CFAP43: variants seen among roughly 807,000 people sequenced by gnomAD.
CFAP43 encodes the protein cilia- and flagella-associated protein 43.
In CFAP43, 155 loss-of-function variants were observed where a neutral mutation model predicts 218.9. That is an observed-to-expected ratio of 0.71 (90% CI 0.62 to 0.81). CFAP43 has a LOEUF of 0.81. CFAP43 is among the 30% of genes least tolerant of loss of function. CFAP43 has a pLI of 0.00. For synonymous variants in CFAP43, 645 were observed against 681.3 expected, an observed-to-expected ratio of 0.95 and a Z score of 0.83; for missense variants, 1,778 against 1,954.3, an observed-to-expected ratio of 0.91 and a Z score of 1.70.
chr10:104,211,333 C>G lies in CFAP43; in HGVS notation c.735+674G>C, dbSNP rs542099677. 2.6e-5 allele frequency among the ~76,000 whole-genome samples: 4 copies of G among 152,240 alleles called. No homozygotes were observed. In the South Asian group the frequency reaches 6.2e-4, roughly 24 times the overall value. ...TAAGCTCCATGAGAATTACATGGAG[C>G]CTGCTTGGCCACCATGCGAATCCCA... On this transcript the variant is annotated intron_variant, in intron 5 of 37. Transcript: ENST00000357060.
intron 4 of CFAP43, among the ~76,000 whole-genome samples, chr10:104,213,491 T>C (rs527379827): frequency 1.1e-4 from 16 of 152,254 alleles, no homozygotes; most frequent in Admixed American, 4.6e-4. Flanking sequence ...GGCTCCACTA[T>C]ACACAACTAC....
At position 104,217,325 on chromosome 10, in the gene CFAP43, TTTTTCTTTTCTTTTCTTTCTTTCTTTC is replaced by T. The variant is rs1478449043; in HGVS notation, c.417-2926_417-2900del. Among the ~76,000 whole-genome samples the T allele has an allele frequency of 3.3e-5, 5 of 149,324 alleles. No homozygotes were observed. In the East Asian group the frequency reaches 9.8e-4, roughly 29 times the overall value. ...AGCCTTGCATTTTTTTCTTTCTTTCTTTTTCTTTTCTTTTCTTTCTTTCTTTCTTTTTCTTTCTTTTTGAAATATCAT... is the reference window on the plus strand; with the variant it reads ...AGCCTTGCATTTTTTTCTTTCTTTCTTTTTTCTTTCTTTTTGAAATATCAT... On this transcript the variant is annotated intron_variant, in intron 3 of 37. Transcript: ENST00000357060.
In CFAP43 at chr10:104,207,796, T is replaced by C. The variant is rs142762463; in HGVS notation, c.764A>G (p.His255Arg). 2.3e-4 allele frequency: 370 copies of C among 1,613,836 alleles called. 2 individuals carry two copies. The Middle Eastern group carries it at 2.3e-3, about 10-fold the overall frequency. The change falls in exon 6 of 38, where the codon CAC becomes CGC. Residue 255 changes from histidine (H) to arginine (R), a missense_variant. Transcript: ENST00000357060. The stretch of plus-strand genomic sequence containing the variant: ...TGGAGTCCAGCAATGCATAGTCGGG[T>C]GAAGCAAAGGATATAGATCATCTTT... Reference protein sequence around the residue: ...RPKDDLYPLLHPTMHCWTPTS... With the variant: ...RPKDDLYPLLRPTMHCWTPTS...
intron 3 of CFAP43, among the ~76,000 whole-genome samples, chr10:104,219,977 C>T (rs111887688): frequency 0.012 from 1,775 of 152,280 alleles, 26 homozygotes; most frequent in African/African-American, 0.037. Context: ...CCCCCAGCAC[C>T]TCAGAATGTG....
chr10:104,165,751 C>T (rs527501133), intron 23 of CFAP43, among the ~76,000 whole-genome samples: 1 of 152,268 alleles, frequency 6.6e-6, no homozygotes, highest in South Asian at 2.1e-4. Flanking sequence ...CCTCGAACCC[C>T]AGAATTTACA....
chr10:104,132,300 T>A, intron 35 of CFAP43, 104 bp from the exon 36 acceptor site: 1 of 870,024 alleles, frequency 1.1e-6, no homozygotes, highest in Non-Finnish European at 1.7e-6. Flanking sequence ...TCATAACAAA[T>A]ATCTATGCAA....
At chr10:104,174,700 T>A (rs778546810) in intron 19 of CFAP43, among the ~76,000 whole-genome samples, 8 of 152,114 alleles carry the variant, frequency 5.3e-5, no homozygotes, top group African/African-American at 1.4e-4. Flanking sequence ...ATTACCTTTT[T>A]AAAATTGAAT....
intron 32 of CFAP43, among the ~76,000 whole-genome samples, chr10:104,142,753 G>C (rs569388866): frequency 6.6e-6 from 1 of 152,236 alleles, no homozygotes; most frequent in Non-Finnish European, 1.5e-5. Flanking sequence ...TGGGGTAGTG[G>C]TCAAGAAGCA....
In CFAP43 at chr10:104,201,560, C is replaced by T. The variant is rs150076635; in HGVS notation, c.1095+2112G>A. 4.8e-3 allele frequency among the ~76,000 whole-genome samples: 725 copies of T among 152,224 alleles called. 9 individuals carry two copies. Among genetic ancestry groups the T allele is most frequent in the Middle Eastern group, 0.017 (5 of 294 alleles). On this transcript the variant is annotated intron_variant, in intron 8 of 37. Transcript: ENST00000357060. ...AAAAGTTACTTTAAGCTTTATTCTC[C>T]TCCTGGGTTATATGAGATCCTTGGA...
intron 23 of CFAP43, 22 bp downstream of exon 23, chr10:104,166,466 G>A (rs1373233003): frequency 1.9e-6 from 3 of 1,579,148 alleles, no homozygotes; most frequent in African/African-American, 1.4e-5. Flanking sequence ...GATTTTTCAG[G>A]ATAAAAAGAA....
intron 8 of CFAP43, among the ~76,000 whole-genome samples, chr10:104,201,650 G>A (rs1373848682): frequency 6.7e-6 from 1 of 148,858 alleles, no homozygotes; most frequent in African/African-American, 2.5e-5. Context: ...TGGGATTTTA[G>A]TTCAATATTA....
intron 10 of CFAP43, 43 bp from the exon 11 acceptor site, chr10:104,194,057 C>T (rs1426279708): frequency 2.5e-6 from 4 of 1,601,496 alleles, no homozygotes; most frequent in Non-Finnish European, 3.4e-6. Context: ...ATTGTGCCTG[C>T]TCTCCTACAC....
At chr10:104,191,322 A>G (rs1486468313) in intron 12 of CFAP43, among the ~76,000 whole-genome samples, 2 of 151,906 alleles carry the variant, frequency 1.3e-5, no homozygotes, top group African/African-American at 4.8e-5. Context: ...AAACTCTTCC[A>G]TTTACCTGTT....
chr10:104,206,790 G>A (rs1447941487), intron 6 of CFAP43, among the ~76,000 whole-genome samples: 4 of 152,186 alleles, frequency 2.6e-5, no homozygotes, highest in Non-Finnish European at 4.4e-5. Context: ...TGGCTCCTGT[G>A]GCCCAGGCCC....
chr10:104,173,919 T>C (rs889260022), intron 19 of CFAP43, among the ~76,000 whole-genome samples: 2 of 152,184 alleles, frequency 1.3e-5, no homozygotes, highest in African/African-American at 2.4e-5. Flanking sequence ...AGAAGACTTG[T>C]TGCCCAAAAG....
At chr10:104,132,846 AAGAT>A (rs2087260770) in intron 35 of CFAP43, 1 of 944,772 alleles carries the variant, frequency 1.1e-6, no homozygotes, top group Non-Finnish European at 1.3e-6. Flanking sequence ...GGGAGATACA[AAGAT>A]AGATAACATG....
At chr10:104,229,022 C>T (rs1417336267) in intron 2 of CFAP43, among the ~76,000 whole-genome samples, 1 of 152,114 alleles carries the variant, frequency 6.6e-6, no homozygotes, top group East Asian at 1.9e-4. Flanking sequence ...AACTAACTTT[C>T]AATTGGTTCA....
Position 104,167,757 on chromosome 10 carries a change from G to C in CFAP43, c.2692-20C>G. ...AAAACACTTGGGGAAAAAAACGCAA[G>C]ACAAAATAAATCCATTTGTAGTATA... On this transcript the variant is annotated intron_variant, in intron 21 of 37. Transcript: ENST00000357060. 6.4e-7 allele frequency: 1 copy of C among 1,569,324 alleles called. No homozygotes were observed. The highest frequency in any genetic ancestry group is 8.7e-7 in the Non-Finnish European group (1 of 1,152,554).
At chr10:104,140,383 T>C (rs2087651336) in intron 34 of CFAP43, among the ~76,000 whole-genome samples, 1 of 152,214 alleles carries the variant, frequency 6.6e-6, no homozygotes, top group African/African-American at 2.4e-5. Context: ...ATTTATAAAG[T>C]TCTTCAAATG....
Sources: allele counts gnomAD v4.1 joint callset (sites outside exome capture counted in the v4.1 genomes callset), GRCh38; gene constraint gnomAD v4.1.1; transcripts MANE v1.5; gene names NCBI Gene and HGNC (gene_info 2026-07-23, HGNC 2026-07-21).